Variants in AATK observed in about 807,000 individuals in gnomAD.
AATK encodes serine/threonine-protein kinase LMTK1.
In AATK, 91 loss-of-function variants were observed where a neutral mutation model predicts 114.3. The observed-to-expected ratio is 0.80, with a 90% CI of 0.67 to 0.95. The LOEUF is 0.95. Among genes scored for constraint, AATK ranks in the 40% least tolerant of loss-of-function variants. AATK has a pLI of 0.00. For synonymous variants in AATK, 1,075 were observed against 916.5 expected (o/e 1.17, Z -3.12); for missense variants, 2,176 against 1,965.2 (o/e 1.11, Z -2.03).
chr17:81,131,005 C>T (rs553901387), intron 3 of AATK, 56 bp downstream of exon 3: 47 of 1,524,374 alleles, frequency 3.1e-5, no homozygotes, highest in Middle Eastern at 3.9e-4. Flanking sequence ...TCACACCCAA[C>T]GCCCAGCACC....
At position 81,121,235 on chromosome 17, in the gene AATK, C is replaced by CG; in HGVS notation, c.2700dup (p.Asp901ArgfsTer14). ...GGGATGTCCAGGGAGTCCAGGGAGT[C>CG]GGGGGTCCCCACCTGCTTCTGCAGA... On this transcript the variant is annotated frameshift_variant, in exon 11 of 14. Transcript: ENST00000326724. LOFTEE classifies it high-confidence loss of function. 1 of 1,606,844 alleles carries CG rather than the reference C, an allele frequency of 6.2e-7. No individual in the cohort carries two copies. The highest frequency in any genetic ancestry group is 8.5e-7 in the Non-Finnish European group (1 of 1,177,240).
intron 13 of AATK, 127 bp from the exon 14 acceptor site, chr17:81,118,569 G>T: frequency 2.1e-6 from 2 of 970,076 alleles, no homozygotes; most frequent in East Asian, 2.6e-5. Flanking sequence ...AGCAGATCTG[G>T]CTGTGTCTAG....
Position 81,119,517 on chromosome 17 carries a change from G to A in AATK, c.3947C>T (p.Ala1316Val), listed in dbSNP as rs1406388873. The stretch of plus-strand genomic sequence containing the variant: ...CGGGGCGGGTGCGGCCGGGTCTAGG[G>A]CCATGGCGAAGGCTGCCTTGGCCGT... ...LMTAKAAFAM[A>V]LDPAAPAPAA... Residue 1316 changes from alanine (A) to valine (V), a missense_variant, in exon 13 of 14, where the codon GCC (alanine) becomes GTC (valine). Coordinates refer to ENST00000326724, the MANE Select transcript of AATK (RefSeq NM_001080395.3). The A allele has an allele frequency of 6.4e-7, 1 of 1,568,978 alleles. No individual in the cohort carries two copies. Among genetic ancestry groups the A allele is most frequent in the African/African-American group, 1.4e-5 (1 of 71,398 alleles).
At chr17:81,129,791 C>T (rs1648836870) in intron 3 of AATK, among the ~76,000 whole-genome samples, 1 of 152,162 alleles carries the variant, frequency 6.6e-6, no homozygotes, top group Non-Finnish European at 1.5e-5. Flanking sequence ...CAGCACAGGG[C>T]TCAGGGACCC....
intron 1 of AATK, among the ~76,000 whole-genome samples, chr17:81,142,580 G>C (rs1402894485): frequency 6.6e-6 from 1 of 152,226 alleles, no homozygotes; most frequent in Non-Finnish European, 1.5e-5. Context: ...TGGAGCATTG[G>C]CTCTGCTGAG....
rs951791619 is a variant in AATK, at chr17:81,126,132, G to T, written c.755+295C>A. On this transcript the variant is annotated intron_variant, in intron 7 of 13. Transcript: ENST00000326724. The surrounding 1 kb of genome is among the most constrained non-coding windows in gnomAD (Gnocchi z 5.1). Reference sequence around the variant, plus strand: ...CCCCAAAGCGAGGGCTTAGCAGAGTGTGGGGTTGGCGCGGGGCTGCAGGGT... The same window carrying T: ...CCCCAAAGCGAGGGCTTAGCAGAGTTTGGGGTTGGCGCGGGGCTGCAGGGT... Among the ~76,000 whole-genome samples, 1 of 152,234 alleles carries T rather than the reference G, an allele frequency of 6.6e-6. No individual in the cohort carries two copies. Among genetic ancestry groups the T allele is most frequent in the Admixed American group, 6.5e-5 (1 of 15,292 alleles).
chr17:81,152,045 TG>T (rs1214012458), intron 1 of AATK, among the ~76,000 whole-genome samples: 1 of 151,916 alleles, frequency 6.6e-6, no homozygotes, highest in Non-Finnish European at 1.5e-5. Context: ...GAGGCTGAGG[TG>T]GGCGGATCAC....
At chr17:81,134,011 C>T (rs925462704) in intron 2 of AATK, among the ~76,000 whole-genome samples, 1 of 152,142 alleles carries the variant, frequency 6.6e-6, no homozygotes, top group African/African-American at 2.4e-5. Context: ...CACCAGGAGT[C>T]GGGCCTCTAG....
intron 2 of AATK, chr17:81,131,836 CAAG>C: frequency 3.8e-6 from 5 of 1,298,888 alleles, no homozygotes; most frequent in Non-Finnish European, 5.1e-6. Flanking sequence ...CCTGCCGGGA[CAAG>C]GAGCATTCCT....
chr17:81,119,199 GC>G lies in AATK; in HGVS notation c.4084+180del, dbSNP rs879593856. Among the ~76,000 whole-genome samples, 951 of 141,258 alleles carry G rather than the reference GC, an allele frequency of 6.7e-3. 4 individuals carry two copies. The highest frequency in any genetic ancestry group is 0.019 in the Middle Eastern group (5 of 258). 92.7% of individuals were successfully genotyped at this position (141,258 alleles called of 152,430 possible). On this transcript the variant is annotated intron_variant, in intron 13 of 13. Coordinates refer to ENST00000326724, the MANE Select transcript of AATK (RefSeq NM_001080395.3). Reference sequence around the variant, plus strand: ...CAGGTGAGGGTCAGGTGAGGGCCAGGCGAGGGCCAGGCGGGGTCCAGGCTAG... The same window carrying G: ...CAGGTGAGGGTCAGGTGAGGGCCAGGGAGGGCCAGGCGGGGTCCAGGCTAG...
At position 81,118,239 on chromosome 17, in the gene AATK, T is replaced by C; in HGVS notation, c.*163A>G. The C allele has an allele frequency of 3.0e-6, 2 of 666,898 alleles. No homozygotes were observed. Among genetic ancestry groups the C allele is most frequent in the Non-Finnish European group, 2.6e-6 (1 of 390,222 alleles). The allele number at this position is 666,898 out of a possible 1,614,324, so 41.3% of individuals were successfully genotyped here. A position where few individuals can be genotyped will look rare whatever the true frequency, so the allele number is the denominator to read the frequency against. On this transcript the variant is annotated 3_prime_UTR_variant, in exon 14 of 14. Coordinates refer to ENST00000326724, the MANE Select transcript of AATK (RefSeq NM_001080395.3). ...TGGCCGATCTACCATCCAGGGCCTC[T>C]CATCCCACGGGCTTCTCCAGGACAC...
rs761477063 is a variant in AATK at position 81,122,224 on chromosome 17, G to A, written c.1712C>T (p.Ser571Leu). The A allele has an allele frequency of 7.4e-6, 11 of 1,493,248 alleles. No individual in the cohort carries two copies. The highest frequency in any genetic ancestry group is 1.4e-5 in the African/African-American group (1 of 70,828). The allele number at this position is 1,493,248 out of a possible 1,614,324, so 92.5% of individuals were successfully genotyped here. ...GCCCAGCAGCGGCTCCATGGCCAGC[G>A]AGGCGGCGGTGCTGCCGTCAGAGTC... ...DDDSDGSTAA[S>L]LAMEPLLGHG... The change falls in exon 11 of 14, where the codon TCG becomes TTG. Residue 571 changes from serine (S) to leucine (L), a missense_variant. Transcript: ENST00000326724.
At chr17:81,122,905 T>C in intron 10 of AATK, 82 bp from the exon 11 acceptor site, 1 of 1,239,554 alleles carries the variant, frequency 8.1e-7, no homozygotes, top group Non-Finnish European at 1.1e-6. Context: ...GGGGTTCCCC[T>C]AACTCCCAGT....
chr17:81,148,721 C>T (rs2061255099), intron 1 of AATK, among the ~76,000 whole-genome samples: 1 of 152,226 alleles, frequency 6.6e-6, no homozygotes, highest in East Asian at 1.9e-4. Context: ...CACACACACA[C>T]ACACGTGCTC....
At chr17:81,165,883 C>T (rs2061483588) in intron 1 of AATK, 55 bp downstream of exon 1, 1 of 1,549,724 alleles carries the variant, frequency 6.5e-7, no homozygotes, top group South Asian at 1.2e-5. Context: ...CCAGGGGCAT[C>T]ACGTCCGCAG....
intron 1 of AATK, among the ~76,000 whole-genome samples, chr17:81,140,544 A>G (rs1171508057): frequency 6.6e-6 from 1 of 151,042 alleles, no homozygotes; most frequent in Non-Finnish European, 1.5e-5. Context: ...AGGCGGGGCC[A>G]TTAGCCCGGA....
chr17:81,145,450 C>T (rs1436704510), intron 1 of AATK, among the ~76,000 whole-genome samples: 5 of 151,196 alleles, frequency 3.3e-5, no homozygotes, highest in Admixed American at 6.6e-5. Context: ...ATGTCTGTTC[C>T]GGCTGGGCAC....
At position 81,119,586 on chromosome 17, in the gene AATK, G is replaced by A. The variant is rs1230700943; in HGVS notation, c.3884-6C>T. ...GTCCCACGCGAACCCACCACCTGCAGCCCAGGTCGCGGCGTCACTCGCGCT... is the reference window on the plus strand; with the variant it reads ...GTCCCACGCGAACCCACCACCTGCAACCCAGGTCGCGGCGTCACTCGCGCT... On this transcript the variant is annotated splice_region_variant and splice_polypyrimidine_tract_variant and intron_variant, in intron 12 of 13. Transcript: ENST00000326724. 6.4e-7 allele frequency: 1 copy of A among 1,555,608 alleles called. No homozygotes were observed. The highest frequency in any genetic ancestry group is 1.2e-5 in the South Asian group (1 of 84,948).
At position 81,118,207 on chromosome 17, in the gene AATK, C is replaced by T. The variant is rs968887122; in HGVS notation, c.*195G>A. 1.3e-4 allele frequency: 80 copies of T among 595,020 alleles called. 1 individual carries two copies. In the Admixed American group the frequency reaches 1.6e-3, roughly 12 times the overall value. The allele number at this position is 595,020 out of a possible 1,614,324, so 36.9% of individuals were successfully genotyped here. ...GCCCAGACGAATTCTGCCTCTGGGG[C>T]GGAGCATGGCCGATCTACCATCCAG... On this transcript the variant is annotated 3_prime_UTR_variant, in exon 14 of 14. Transcript: ENST00000326724.
Sources: allele counts gnomAD v4.1 joint callset (sites outside exome capture counted in the v4.1 genomes callset), GRCh38; gene constraint gnomAD v4.1.1; non-coding constraint Gnocchi (gnomAD v3.1); transcripts MANE v1.5; gene names NCBI Gene and HGNC (gene_info 2026-07-23, HGNC 2026-07-21).